Variants in ADAMTS3 observed in about 807,000 individuals in gnomAD.
ADAMTS3 encodes A disintegrin and metalloproteinase with thrombospondin motifs 3.
In ADAMTS3, 73 loss-of-function variants were observed where a neutral mutation model predicts 129.0. The ratio of observed to expected loss-of-function variants is 0.57; its 90% CI spans 0.47 to 0.69. The LOEUF (loss-of-function observed/expected upper bound fraction) is 0.69. ADAMTS3 is among the 30% of genes least tolerant of loss of function. The pLI is 0.00. For missense variants in ADAMTS3, 1,457 were observed against 1,514.5 expected, an observed-to-expected ratio of 0.96 and a Z score of 0.63; for synonymous variants, 477 against 510.8, an observed-to-expected ratio of 0.93 and a Z score of 0.89.
chr4:72,375,089 C>T (rs1721104248), intron 4 of ADAMTS3, among the ~76,000 whole-genome samples: 1 of 152,152 alleles, frequency 6.6e-6, no homozygotes, highest in South Asian at 2.1e-4. Context: ...ATCTTCTTGG[C>T]TACCTATTTT....
intron 3 of ADAMTS3, among the ~76,000 whole-genome samples, chr4:72,467,326 C>T (rs906676304): frequency 2.0e-5 from 3 of 152,090 alleles, no homozygotes; most frequent in African/African-American, 4.8e-5. Flanking sequence ...CTTGTCTCAG[C>T]TACACCTCTT....
chr4:72,312,208 A>T, intron 13 of ADAMTS3, 83 bp downstream of exon 13: 7 of 1,474,540 alleles, frequency 4.7e-6, no homozygotes, highest in Non-Finnish European at 6.6e-6. Context: ...ATAGGGATCA[A>T]GAGTCCATGG....
chr4:72,444,105 G>C (rs1718189841), intron 3 of ADAMTS3, among the ~76,000 whole-genome samples: 2 of 151,780 alleles, frequency 1.3e-5, no homozygotes, highest in African/African-American at 4.8e-5. Context: ...CAGCTATTAT[G>C]TGTGTGTCTG....
At chr4:72,545,722 C>T (rs1721447801) in intron 3 of ADAMTS3, among the ~76,000 whole-genome samples, 1 of 152,124 alleles carries the variant, frequency 6.6e-6, no homozygotes, top group Admixed American at 6.5e-5. Flanking sequence ...ACACACAACA[C>T]CTTCTGTGGA....
intron 10 of ADAMTS3, among the ~76,000 whole-genome samples, chr4:72,317,631 T>C (rs1453520996): frequency 6.6e-6 from 1 of 152,166 alleles, no homozygotes; most frequent in Non-Finnish European, 1.5e-5. Context: ...TTATCAAATT[T>C]AATCCTCACA....
intron 3 of ADAMTS3, among the ~76,000 whole-genome samples, chr4:72,534,758 C>T (rs1435064746): frequency 6.6e-6 from 1 of 152,100 alleles, no homozygotes; most frequent in Non-Finnish European, 1.5e-5. Flanking sequence ...TGAATACAGC[C>T]CATATTTCAA....
At chr4:72,330,087 C>T (rs868241923) in intron 5 of ADAMTS3, among the ~76,000 whole-genome samples, 3 of 152,218 alleles carry the variant, frequency 2.0e-5, no homozygotes, top group South Asian at 2.1e-4. Context: ...GGCATCATCT[C>T]GGCTCACTGC....
chr4:72,485,125 A>T (rs935191598), intron 3 of ADAMTS3, among the ~76,000 whole-genome samples: 4 of 152,218 alleles, frequency 2.6e-5, no homozygotes, highest in Non-Finnish European at 5.9e-5. Flanking sequence ...AGCTTCAAGC[A>T]TGTGGGTTTG....
chr4:72,477,715 G>C lies in ADAMTS3; in HGVS notation c.505-62744C>G, dbSNP rs934427709. Among the ~76,000 whole-genome samples the C allele has an allele frequency of 3.7e-4, 57 of 152,008 alleles. 1 individual carries two copies. Among genetic ancestry groups the C allele is most frequent in the African/African-American group, 1.3e-3 (55 of 41,454 alleles). On this transcript the variant is annotated intron_variant, in intron 3 of 21. Coordinates refer to ENST00000286657, the MANE Select transcript of ADAMTS3 (RefSeq NM_014243.3). The stretch of plus-strand genomic sequence containing the variant: ...TCAGAGCAGAACTGAAGGAAATAGA[G>C]ACACAAAAAACCCTTCAAAAAATCA...
intron 21 of ADAMTS3, among the ~76,000 whole-genome samples, chr4:72,285,781 A>T (rs1718489877): frequency 6.6e-6 from 1 of 152,068 alleles, no homozygotes. Flanking sequence ...AAAAAAAAAA[A>T]AAAAAATGGT....
At chr4:72,367,327 T>G (rs927213569) in intron 4 of ADAMTS3, among the ~76,000 whole-genome samples, 4 of 152,146 alleles carry the variant, frequency 2.6e-5, no homozygotes, top group Non-Finnish European at 5.9e-5. Flanking sequence ...CTATACTGCT[T>G]GGACATCTGC....
At chr4:72,323,160 A>G (rs1055712340) in intron 5 of ADAMTS3, 63 bp from the exon 6 acceptor site, 3 of 1,298,080 alleles carry the variant, frequency 2.3e-6, no homozygotes, top group African/African-American at 2.9e-5. Context: ...TGAGATGTAC[A>G]TATAAGCTGT....
At chr4:72,556,225 G>C (rs1321014159) in intron 2 of ADAMTS3, among the ~76,000 whole-genome samples, 2 of 151,684 alleles carry the variant, frequency 1.3e-5, no homozygotes, top group African/African-American at 4.9e-5. Context: ...CTGGTAAGGT[G>C]CACTGTATGA....
chr4:72,533,228 T>G (rs190723834), intron 3 of ADAMTS3, among the ~76,000 whole-genome samples: 4 of 152,188 alleles, frequency 2.6e-5, no homozygotes, highest in African/African-American at 4.8e-5. Context: ...GTTTTTAAAC[T>G]TTTTTGTTAA....
At chr4:72,291,505 GT>G (rs1261813481) in intron 19 of ADAMTS3, among the ~76,000 whole-genome samples, 1 of 148,800 alleles carries the variant, frequency 6.7e-6, no homozygotes, top group Non-Finnish European at 1.5e-5. Flanking sequence ...GCGGTGTTTC[GT>G]TTTTTGTCCT....
intron 18 of ADAMTS3, 58 bp downstream of exon 18, chr4:72,298,219 G>T: frequency 6.9e-7 from 1 of 1,444,930 alleles, no homozygotes; most frequent in Non-Finnish European, 9.4e-7. Context: ...AAAGGTAGAA[G>T]CAAGATTGGT....
chr4:72,548,667 C>T lies in ADAMTS3; in HGVS notation c.315G>A (p.Gly105=). ...LKPNTQLVAP[G]AVVEWHETSL... ...ATGTCTCATGCCACTCCACAACAGC[C>T]CCAGGAGCTACTAGTTGAGTGTTGG... The change falls in exon 3 of 22, where the codon GGG becomes GGA. Residue 105 remains glycine, a synonymous_variant. Transcript: ENST00000286657. The T allele has an allele frequency of 1.9e-6, 3 of 1,613,986 alleles. No individual in the cohort carries two copies. Among genetic ancestry groups the T allele is most frequent in the Non-Finnish European group, 2.5e-6 (3 of 1,179,930 alleles).
chr4:72,407,796 C>A (rs1472489629), intron 4 of ADAMTS3, among the ~76,000 whole-genome samples: 1 of 152,106 alleles, frequency 6.6e-6, no homozygotes, highest in Non-Finnish European at 1.5e-5. Flanking sequence ...GAAAAAACTT[C>A]TTTTCATTCA....
At position 72,499,297 on chromosome 4, in the gene ADAMTS3, T is replaced by C. The variant is rs1214987478; in HGVS notation, c.504+49181A>G. ...CACAAAAGTAAGCGCAAGCTTTAGA[T>C]ACTTGTTAACAGCACTGTACATGTT... On this transcript the variant is annotated intron_variant, in intron 3 of 21. Transcript: ENST00000286657. Among the ~76,000 whole-genome samples, 3 of 152,310 alleles carry C rather than the reference T, an allele frequency of 2.0e-5. No homozygotes were observed. In the East Asian group the frequency reaches 5.8e-4, roughly 29 times the overall value.
Sources: gnomAD v4.1 joint callset for allele counts (sites outside exome capture counted in the v4.1 genomes callset) on GRCh38, gnomAD v4.1.1 for gene constraint, MANE v1.5 for transcripts, NCBI Gene and HGNC (gene_info 2026-07-23, HGNC 2026-07-21) for gene names.